Variants in PRKCH observed in about 807,000 individuals in gnomAD.
The protein encoded by PRKCH is protein kinase C eta.
PRKCH carries 28 observed loss-of-function variants against 82.5 expected under a neutral mutation model. That is an observed-to-expected ratio of 0.34 (90% CI 0.25 to 0.47). PRKCH has a LOEUF of 0.47. Ranked by LOEUF, PRKCH falls within the 20% of genes least tolerant of loss-of-function variation. The pLI is 1.00. For missense variants in PRKCH, 705 were observed against 881.8 expected, an observed-to-expected ratio of 0.80 and a Z score of 2.54; for synonymous variants, 322 against 327.4, an observed-to-expected ratio of 0.98 and a Z score of 0.18.
At chr14:61,316,251 G>A (rs1182616694) in intron 1 of PRKCH, among the ~76,000 whole-genome samples, 1 of 152,032 alleles carries the variant, frequency 6.6e-6, no homozygotes, top group East Asian at 1.9e-4. Flanking sequence ...ATAGTAACAC[G>A]GGGTCACATT....
rs754102892 is a variant in PRKCH at position 61,287,434 on chromosome 14, C to T, written c.-19+99766C>T. ...TTGACTCAGAAGTGAATTAGGGCCA[C>T]GCCCGGTAGCTCACGCCTGTAATCC... On this transcript the variant is annotated intron_variant, in intron 1 of 3. Coordinates refer to the PRKCH transcript ENST00000555185. 4.6e-5 allele frequency among the ~76,000 whole-genome samples: 7 copies of T among 151,588 alleles called. No individual in the cohort carries two copies. The East Asian group carries it at 7.8e-4, about 17-fold the overall frequency.
intron 1 of PRKCH, among the ~76,000 whole-genome samples, chr14:61,239,573 G>A (rs1462630555): frequency 6.6e-6 from 1 of 152,216 alleles, no homozygotes; most frequent in African/African-American, 2.4e-5. Flanking sequence ...GCTAAAGCAG[G>A]CTAATGTGCT....
chr14:61,280,025 A>C lies in PRKCH; in HGVS notation c.-19+92357A>C. 1 of 1,373,338 alleles carries C rather than the reference A, an allele frequency of 7.3e-7. No individual in the cohort carries two copies. Among genetic ancestry groups the C allele is most frequent in the Non-Finnish European group, 9.8e-7 (1 of 1,015,264 alleles). The allele number at this position is 1,373,338 out of a possible 1,614,324, so 85.1% of individuals were successfully genotyped here. A position where few individuals can be genotyped will look rare whatever the true frequency, so the allele number is the denominator to read the frequency against. On this transcript the variant is annotated intron_variant, in intron 1 of 3. Transcript: ENST00000555185. The surrounding 1 kb of genome is among the most constrained non-coding windows in gnomAD (Gnocchi z 5.0). ...GGTTGGAATTGGGTGACGGGCGAGG[A>C]GGAGATGCCAAAAGCACCTTGCAAG...
At chr14:61,503,756 C>T (rs1473270283) in intron 10 of PRKCH, among the ~76,000 whole-genome samples, 1 of 152,100 alleles carries the variant, frequency 6.6e-6, no homozygotes, top group Non-Finnish European at 1.5e-5. Flanking sequence ...GTCTCAGGGG[C>T]AGCTGTGCTT....
chr14:61,406,192 A>G (rs956692768), intron 2 of PRKCH, among the ~76,000 whole-genome samples: 6 of 99,280 alleles, frequency 6.0e-5, no homozygotes, highest in African/African-American at 1.5e-4. Flanking sequence ...AAAAACACAT[A>G]CAGGAAAAAA....
At chr14:61,342,866 G>A (rs190165322) in intron 1 of PRKCH, among the ~76,000 whole-genome samples, 9 of 152,334 alleles carry the variant, frequency 5.9e-5, no homozygotes, top group Admixed American at 5.9e-4. Context: ...ATTGCCCTTA[G>A]TGTTTCTCTC....
chr14:61,203,202 C>T (rs898044932), intron 1 of PRKCH, among the ~76,000 whole-genome samples: 5 of 152,056 alleles, frequency 3.3e-5, no homozygotes, highest in African/African-American at 7.3e-5. Flanking sequence ...CTGCCACTAC[C>T]GCCACTTGTC....
intron 9 of PRKCH, among the ~76,000 whole-genome samples, chr14:61,458,141 A>G (rs1884863930): frequency 6.6e-6 from 1 of 152,228 alleles, no homozygotes; most frequent in Non-Finnish European, 1.5e-5. Flanking sequence ...GGAACATCCC[A>G]GGGCATTGCT....
intron 4 of PRKCH, among the ~76,000 whole-genome samples, chr14:61,447,862 T>C (rs1884301361): frequency 6.6e-6 from 1 of 152,144 alleles, no homozygotes; most frequent in Non-Finnish European, 1.5e-5. Flanking sequence ...AAAACCAAGA[T>C]TCGAAATTTC....
intron 3 of PRKCH, 83 bp downstream of exon 3, chr14:61,443,344 C>A: frequency 1.5e-6 from 2 of 1,319,096 alleles, no homozygotes; most frequent in South Asian, 1.9e-5. Flanking sequence ...CAGCAGAATG[C>A]ATGATTATTT....
chr14:61,199,912 G>C (rs1046251993), intron 1 of PRKCH, among the ~76,000 whole-genome samples: 2 of 152,196 alleles, frequency 1.3e-5, no homozygotes, highest in African/African-American at 2.4e-5. Flanking sequence ...AAGATGTACA[G>C]AGTGGTACAT....
At chr14:61,234,014 G>A (rs1331316081) in intron 1 of PRKCH, among the ~76,000 whole-genome samples, 1 of 152,048 alleles carries the variant, frequency 6.6e-6, no homozygotes, top group Non-Finnish European at 1.5e-5. Flanking sequence ...ACACTGTCCT[G>A]GTCTACACCA....
intron 1 of PRKCH, among the ~76,000 whole-genome samples, chr14:61,308,251 A>G (rs2045496920): frequency 6.6e-6 from 1 of 152,230 alleles, no homozygotes; most frequent in Non-Finnish European, 1.5e-5. Flanking sequence ...TAGCTTGTGC[A>G]TTTACGTGGA....
Position 61,351,535 on chromosome 14 carries a change from T to C in PRKCH, c.363+29071T>C, listed in dbSNP as rs145747606. Among the ~76,000 whole-genome samples, 10 of 152,348 alleles carry C rather than the reference T, an allele frequency of 6.6e-5. No individual in the cohort carries two copies. In the East Asian group the frequency reaches 1.9e-3, roughly 29 times the overall value. ...GATGCATGTGTACATTTAAGATTTGTTCTAAATACACGAAAGCACGCCTGC... is the reference window on the plus strand; with the variant it reads ...GATGCATGTGTACATTTAAGATTTGCTCTAAATACACGAAAGCACGCCTGC... On this transcript the variant is annotated intron_variant, in intron 1 of 13. Coordinates refer to ENST00000332981, the MANE Select transcript of PRKCH (RefSeq NM_006255.5).
Position 61,308,010 on chromosome 14 carries a change from A to G in PRKCH, c.-19+120342A>G, listed in dbSNP as rs917378227. 2.6e-5 allele frequency among the ~76,000 whole-genome samples: 4 copies of G among 151,270 alleles called. No homozygotes were observed. The South Asian group carries it at 8.4e-4, about 32-fold the overall frequency. ...CATCAGCACACCTGGCTAATTTTTAATTTTTTTTTGTAGAGATGGGGATCT... is the reference window on the plus strand; with the variant it reads ...CATCAGCACACCTGGCTAATTTTTAGTTTTTTTTTGTAGAGATGGGGATCT... On this transcript the variant is annotated intron_variant, in intron 1 of 3. Coordinates refer to the PRKCH transcript ENST00000555185.
chr14:61,279,407 G>A (rs1285897136), intron 1 of PRKCH: 1 of 152,184 alleles, frequency 6.6e-6, no homozygotes, highest in Non-Finnish European at 1.5e-5. Context: ...GAATTCAGTT[G>A]ACTGCTTCAG....
chr14:61,369,503 A>C (rs2046339546), intron 1 of PRKCH, among the ~76,000 whole-genome samples: 2 of 152,086 alleles, frequency 1.3e-5, no homozygotes, highest in Admixed American at 1.3e-4. Context: ...TTTGTAGCTC[A>C]ACTTTAAGAA....
chr14:61,328,645 G>A (rs1050473071), intron 1 of PRKCH, among the ~76,000 whole-genome samples: 2 of 152,174 alleles, frequency 1.3e-5, no homozygotes, highest in East Asian at 3.9e-4. Context: ...TAGCATTTGC[G>A]TAGAATAATA....
chr14:61,231,612 T>A (rs536412736), intron 1 of PRKCH, among the ~76,000 whole-genome samples: 3 of 152,270 alleles, frequency 2.0e-5, no homozygotes, highest in East Asian at 3.9e-4. Context: ...GACCTTGTGA[T>A]CCGCCCACCT....
Sources: gnomAD v4.1 joint callset for allele counts (sites outside exome capture counted in the v4.1 genomes callset) on GRCh38, gnomAD v4.1.1 for gene constraint, Gnocchi (gnomAD v3.1) non-coding constraint, MANE v1.5 for transcripts, NCBI Gene and HGNC (gene_info 2026-07-23, HGNC 2026-07-21) for gene names.